Variants in PITPNA observed in about 807,000 individuals in gnomAD.
PITPNA encodes phosphatidylinositol transfer protein alpha isoform.
A neutral mutation model predicts 50.3 loss-of-function variants in PITPNA; 13 were observed. The observed-to-expected ratio is 0.26, with a 90% CI of 0.17 to 0.41. The LOEUF (loss-of-function observed/expected upper bound fraction) is 0.41. Ranked by LOEUF, PITPNA falls within the 10% of genes least tolerant of loss-of-function variation. The probability of loss-of-function intolerance (pLI) is 1.00; values close to 1 mark genes in which losing one functional copy is unlikely to be tolerated. For missense variants in PITPNA, 207 were observed against 333.4 expected (o/e 0.62, Z 2.95); for synonymous variants, 120 against 119.6 (o/e 1.00, Z -0.02).
chr17:1,557,924 T>C (rs1567588545), intron 2 of PITPNA, among the ~76,000 whole-genome samples: 1 of 152,156 alleles, frequency 6.6e-6, no homozygotes, highest in African/African-American at 2.4e-5. Context: ...ATGCACACAC[T>C]TGATCCCATC....
chr17:1,558,890 A>G (rs2075754076), intron 1 of PITPNA, among the ~76,000 whole-genome samples: 1 of 149,984 alleles, frequency 6.7e-6, no homozygotes, highest in African/African-American at 2.5e-5. Flanking sequence ...TCCTCCCGCC[A>G]GCTACTTCCC....
rs770470141 is a variant in PITPNA at position 1,548,327 on chromosome 17, T to C, written c.258A>G (p.Lys86=). The change falls in exon 4 of 12, where the codon AAA becomes AAG. Residue 86 remains lysine, a synonymous_variant. Transcript: ENST00000313486. ...TGCAGTAGGGGTAAGCATTCCAGGCTTTCTCGTGTATATTCAGGGCTCCCT... is the reference window on the plus strand; with the variant it reads ...TGCAGTAGGGGTAAGCATTCCAGGCCTTCTCGTGTATATTCAGGGCTCCCT... ...APEGALNIHE[K]AWNAYPYCRT... is the part of the protein sequence containing the mutation. The C allele has an allele frequency of 5.6e-5, 90 of 1,609,012 alleles. No homozygotes were observed. The highest frequency in any genetic ancestry group is 7.5e-5 in the Non-Finnish European group (88 of 1,178,004).
rs192122018 is a variant in PITPNA at position 1,535,227 on chromosome 17, G to A, written c.600C>T (p.Phe200=). 2.5e-6 allele frequency: 4 copies of A among 1,613,908 alleles called. No homozygotes were observed. In the African/African-American group the frequency reaches 5.3e-5, roughly 21 times the overall value. ...CTTTGTTCTGCAGGCCCCACCACTT[G>A]AACTTGACGGTCACCAGTTTGTATG... ...MCAYKLVTVK[F]KWWGLQNKVE... The change falls in exon 9 of 12, where the codon TTC becomes TTT. Residue 200 remains phenylalanine (F), a synonymous_variant. Coordinates refer to ENST00000313486, the MANE Select transcript of PITPNA (RefSeq NM_006224.4).
In PITPNA at chr17:1,562,461, C is replaced by T; in HGVS notation, c.20+80G>A. On this transcript the variant is annotated intron_variant, in intron 1 of 11. Coordinates refer to ENST00000313486, the MANE Select transcript of PITPNA (RefSeq NM_006224.4). This position sits in a 1 kb window ranked among gnomAD's most constrained non-coding sequence, Gnocchi z 6.4. ...TGCCCCTCCGTCCATCCGGGCCCTG[C>T]GTCCCTCGCCGCGCCGTCGCCCCGG... The T allele has an allele frequency of 1.7e-6, 2 of 1,199,250 alleles. No homozygotes were observed. Among genetic ancestry groups the T allele is most frequent in the South Asian group, 1.6e-5 (1 of 61,954 alleles). 74.3% of individuals were successfully genotyped at this position (1,199,250 alleles called of 1,614,324 possible). A position where few individuals can be genotyped will look rare whatever the true frequency, so the allele number is the denominator to read the frequency against.
Position 1,562,457 on chromosome 17 carries a change from C to A in PITPNA, c.20+84G>T. 1 of 1,170,710 alleles carries A rather than the reference C, an allele frequency of 8.5e-7. No homozygotes were observed. The highest frequency in any genetic ancestry group is 1.6e-5 in the South Asian group (1 of 61,318). 72.5% of individuals were successfully genotyped at this position (1,170,710 alleles called of 1,614,324 possible). ...CTGCTGCCCCTCCGTCCATCCGGGCCCTGCGTCCCTCGCCGCGCCGTCGCC... is the reference window on the plus strand; with the variant it reads ...CTGCTGCCCCTCCGTCCATCCGGGCACTGCGTCCCTCGCCGCGCCGTCGCC... On this transcript the variant is annotated intron_variant, in intron 1 of 11. Coordinates refer to ENST00000313486, the MANE Select transcript of PITPNA (RefSeq NM_006224.4). This position sits in a 1 kb window ranked among gnomAD's most constrained non-coding sequence, Gnocchi z 6.4.
chr17:1,544,245 T>C (rs2075662027), intron 4 of PITPNA, among the ~76,000 whole-genome samples: 4 of 152,240 alleles, frequency 2.6e-5, no homozygotes, highest in Admixed American at 2.6e-4. Context: ...TAATTTGGTT[T>C]CTCATGTAGA....
At chr17:1,540,765 T>G in intron 6 of PITPNA, among the ~76,000 whole-genome samples, 1 of 152,130 alleles carries the variant, frequency 6.6e-6, no homozygotes, top group East Asian at 1.9e-4. Context: ...TTTTGTATTT[T>G]TAGTAGGGAC....
At chr17:1,558,467 A>C in intron 2 of PITPNA, 62 bp downstream of exon 2, 1 of 1,025,082 alleles carries the variant, frequency 9.8e-7, no homozygotes, top group Non-Finnish European at 1.5e-6. Flanking sequence ...CTCAGAGCCC[A>C]GCTTAGCCAA....
chr17:1,532,277 C>T (rs1226077804), intron 10 of PITPNA, among the ~76,000 whole-genome samples: 1 of 152,054 alleles, frequency 6.6e-6, no homozygotes, highest in Non-Finnish European at 1.5e-5. Flanking sequence ...TTAGTAGAGA[C>T]AGGGTTTCAC....
At position 1,540,593 on chromosome 17, in the gene PITPNA, C is replaced by CT. The variant is rs200884941; in HGVS notation, c.372+972dup. Among the ~76,000 whole-genome samples, 1,029 of 144,046 alleles carry CT rather than the reference C, an allele frequency of 7.1e-3. 6 individuals are homozygous for CT. Among genetic ancestry groups the CT allele is most frequent in the African/African-American group, 0.021 (843 of 39,268 alleles). 94.5% of individuals were successfully genotyped at this position (144,046 alleles called of 152,430 possible). A position where few individuals can be genotyped will look rare whatever the true frequency, so the allele number is the denominator to read the frequency against. On this transcript the variant is annotated intron_variant, in intron 6 of 11. Transcript: ENST00000313486. ...TCCTACTAACGGGCCTTTTTTTTCT[C>CT]TTTTTTTTTTTTTAAGACAGTGTCT...
intron 7 of PITPNA, among the ~76,000 whole-genome samples, chr17:1,536,894 ATTTTTTTTTTT>A (rs35841957): frequency 4.1e-5 from 4 of 98,306 alleles, no homozygotes; most frequent in Admixed American, 3.5e-4. Flanking sequence ...TGTCCGGCCG[ATTTTTTTTTTT>A]TTTTTTTTTT....
Position 1,519,914 on chromosome 17 carries a change from T to A in PITPNA, c.*647A>T, listed in dbSNP as rs2075499015. On this transcript the variant is annotated 3_prime_UTR_variant, in exon 12 of 12. Coordinates refer to ENST00000313486, the MANE Select transcript of PITPNA (RefSeq NM_006224.4). ...TAGAGATTCAGTGATTGGGACAGGG[T>A]TACTCGTATTTGTTAAATTTTCTTA... The A allele has an allele frequency of 6.6e-6, 1 of 152,164 alleles. No individual in the cohort carries two copies. Among genetic ancestry groups the A allele is most frequent in the Non-Finnish European group, 1.5e-5 (1 of 68,058 alleles). 9.4% of individuals were successfully genotyped at this position (152,164 alleles called of 1,614,324 possible).
At position 1,521,579 on chromosome 17, in the gene PITPNA, A is replaced by G. The variant is rs375792806; in HGVS notation, c.*22T>C. ...GCACAGTGAGAAATTTGGTACGTAC[A>G]GTGCAGAGGGGAAAGGCGGCTTTAG... On this transcript the variant is annotated splice_region_variant and 3_prime_UTR_variant, in exon 11 of 12. Coordinates refer to ENST00000313486, the MANE Select transcript of PITPNA (RefSeq NM_006224.4). The G allele has an allele frequency of 8.1e-6, 13 of 1,606,018 alleles. No homozygotes were observed. Among genetic ancestry groups the G allele is most frequent in the Non-Finnish European group, 1.1e-5 (13 of 1,172,746 alleles).
intron 10 of PITPNA, among the ~76,000 whole-genome samples, chr17:1,525,737 TAA>T (rs554648494): frequency 1.4e-3 from 219 of 152,180 alleles, no homozygotes; most frequent in Non-Finnish European, 2.3e-3. Context: ...AGGCTGGTCT[TAA>T]ACTCCCAACC....
rs1054269593 is a variant in PITPNA, at chr17:1,534,928, A to G, written c.645+254T>C. ...GTATGCTCATGTTGGCAACCCTGTC[A>G]TGCAGGCCACATGGGCTGGGCCATC... On this transcript the variant is annotated intron_variant, in intron 9 of 11. Transcript: ENST00000313486. 9.2e-5 allele frequency among the ~76,000 whole-genome samples: 14 copies of G among 152,254 alleles called. No homozygotes were observed. In the East Asian group the frequency reaches 1.3e-3, roughly 15 times the overall value.
chr17:1,520,942 C>G (rs938953148), intron 11 of PITPNA, among the ~76,000 whole-genome samples: 4 of 152,024 alleles, frequency 2.6e-5, no homozygotes, highest in African/African-American at 7.2e-5. Flanking sequence ...TCCCATGACT[C>G]GGGTGGTGTA....
rs532259026 is a variant in PITPNA at position 1,554,484 on chromosome 17, T to TCTCCTGCCTCCTGC, written c.52-1349_52-1336dup. Among the ~76,000 whole-genome samples the TCTCCTGCCTCCTGC allele has an allele frequency of 4.7e-5, 7 of 149,804 alleles. No homozygotes were observed. In the East Asian group the frequency reaches 1.4e-3, roughly 30 times the overall value. On this transcript the variant is annotated intron_variant, in intron 2 of 11. Coordinates refer to ENST00000313486, the MANE Select transcript of PITPNA (RefSeq NM_006224.4). ...CCTCCGCCTCCTGGGTTCAAGTGAT[T>TCTCCTGCCTCCTGC]CTCCTGCCTCCTGCCTCCTGCCTCA...
chr17:1,561,334 G>A (rs903402297), intron 1 of PITPNA: 1 of 152,222 alleles, frequency 6.6e-6, no homozygotes, highest in Non-Finnish European at 1.5e-5. Context: ...GAAGTCACCA[G>A]TTTCCCACGC....
At chr17:1,548,930 C>T (rs1284937008) in intron 3 of PITPNA, among the ~76,000 whole-genome samples, 1 of 152,176 alleles carries the variant, frequency 6.6e-6, no homozygotes, top group African/African-American at 2.4e-5. Context: ...GAGACGGAGT[C>T]TCCCTTTGTC....
Sources: gnomAD v4.1 joint callset for allele counts (sites outside exome capture counted in the v4.1 genomes callset) on GRCh38, gnomAD v4.1.1 for gene constraint, Gnocchi (gnomAD v3.1) non-coding constraint, MANE v1.5 for transcripts, NCBI Gene and HGNC (gene_info 2026-07-23, HGNC 2026-07-21) for gene names.